HNRNPA1L3: variants seen among roughly 807,000 people sequenced by gnomAD.
HNRNPA1L3 encodes heterogeneous nuclear ribonucleoprotein A1-like 3.
chr16:51,645,974 C>A, the HNRNPA1L3 span: 9 of 1,603,912 alleles, frequency 5.6e-6, no homozygotes, highest in East Asian at 4.5e-5. Context: ...AAACACGAAG[C>A]GCTCCAGGGG....
At chr16:51,646,135 G>T in the HNRNPA1L3 span, 3 of 1,595,280 alleles carry the variant, frequency 1.9e-6, no homozygotes, top group South Asian at 2.2e-5. Context: ...CTGTGAAAAA[G>T]ATATTTGTTG....
chr16:51,645,843 A>G, the HNRNPA1L3 span: 10 of 1,605,016 alleles, frequency 6.2e-6, no homozygotes, highest in Non-Finnish European at 6.8e-6. Flanking sequence ...TCTCCTAAAG[A>G]GCCCGAACAG....
chr16:51,646,224 T>A, the HNRNPA1L3 span: 2 of 1,596,378 alleles, frequency 1.3e-6, no homozygotes, highest in East Asian at 4.5e-5. Context: ...GTGATTGAAA[T>A]CATGACTGAC....
At chr16:51,646,813 C>G in the HNRNPA1L3 span, 3 of 1,538,754 alleles carry the variant, frequency 1.9e-6, no homozygotes, top group South Asian at 3.3e-5. Context: ...AGAGGAGAGC[C>G]AGAGAAGTGA....
chr16:51,646,498 C>T, the HNRNPA1L3 span: 2 of 1,597,798 alleles, frequency 1.3e-6, no homozygotes, highest in East Asian at 2.2e-5. Flanking sequence ...GTCGTGGTGG[C>T]TTTGGTGGCA....
chr16:51,646,655 A>C, the HNRNPA1L3 span: 1 of 1,598,122 alleles, frequency 6.3e-7, no homozygotes, highest in South Asian at 1.1e-5. Context: ...GAAGGGAGGA[A>C]ATTTTGAAGG....
the HNRNPA1L3 span, chr16:51,646,227 T>C: frequency 1.3e-6 from 2 of 1,596,480 alleles, no homozygotes; most frequent in African/African-American, 2.7e-5. Context: ...ATTGAAATCA[T>C]GACTGACAGA....
the HNRNPA1L3 span, chr16:51,646,733 G>A: frequency 1.1e-5 from 17 of 1,598,324 alleles, no homozygotes; most frequent in Non-Finnish European, 1.4e-5. Context: ...AGGTGGCTAT[G>A]GCGGTTCCAG....
chr16:51,646,059 G>A, the HNRNPA1L3 span: 1 of 1,590,686 alleles, frequency 6.3e-7, no homozygotes, highest in Non-Finnish European at 8.5e-7. Context: ...AAGGTGGATG[G>A]AAGAGTTGTG....
the HNRNPA1L3 span, chr16:51,646,767 G>A: frequency 6.3e-7 from 1 of 1,596,030 alleles, no homozygotes. Flanking sequence ...TATGGCAGTG[G>A]CAGAAGATTT....
the HNRNPA1L3 span, chr16:51,647,033 G>A: frequency 7.8e-6 from 4 of 514,946 alleles, no homozygotes; most frequent in Non-Finnish European, 1.4e-5. Flanking sequence ...GGGTTTTAAT[G>A]TAGATTTTTT....
At chr16:51,645,824 A>G in the HNRNPA1L3 span, 4 of 1,607,132 alleles carry the variant, frequency 2.5e-6, no homozygotes, top group Non-Finnish European at 2.6e-6. Flanking sequence ...CGTCATGTCT[A>G]AGTCAGAGTC....
At chr16:51,645,945 G>A in the HNRNPA1L3 span, 7 of 1,605,914 alleles carry the variant, frequency 4.4e-6, no homozygotes, top group African/African-American at 5.3e-5. Flanking sequence ...CTCACGGACT[G>A]TGTGGTAATG....
At chr16:51,646,295 G>T in the HNRNPA1L3 span, 12 of 1,592,720 alleles carry the variant, frequency 7.5e-6, no homozygotes, top group Non-Finnish European at 1.0e-5. Context: ...TGACTCCGTG[G>T]ATAAGATTGT....
chr16:51,646,552 T>C, the HNRNPA1L3 span: 8 of 1,596,250 alleles, frequency 5.0e-6, no homozygotes, highest in East Asian at 6.7e-5. Flanking sequence ...ATGGCTATAA[T>C]GGATTTGGTA....
chr16:51,645,914 C>A, the HNRNPA1L3 span: 1 of 1,606,892 alleles, frequency 6.2e-7, no homozygotes, highest in Non-Finnish European at 8.5e-7. Flanking sequence ...CCTGAGGAGC[C>A]ATTTTGAGCA....
chr16:51,646,761 G>T, the HNRNPA1L3 span: 1 of 1,596,642 alleles, frequency 6.3e-7, no homozygotes, highest in East Asian at 2.2e-5. Context: ...AGTAGCTATG[G>T]CAGTGGCAGA....
the HNRNPA1L3 span, chr16:51,646,503 G>C: frequency 6.3e-7 from 1 of 1,597,978 alleles, no homozygotes; most frequent in Non-Finnish European, 8.5e-7. Flanking sequence ...GGTGGCTTTG[G>C]TGGCAGCCGT....
At chr16:51,645,780 G>C in the HNRNPA1L3 span, 1 of 1,607,986 alleles carries the variant, frequency 6.2e-7, no homozygotes, top group Non-Finnish European at 8.5e-7. Flanking sequence ...GGACGCCGCC[G>C]AAGAAGCATC....
Sources: gnomAD v4.1 joint callset for allele counts on GRCh38, gnomAD v4.1.1 for gene constraint, MANE v1.5 for transcripts, NCBI Gene and HGNC (gene_info 2026-07-23, HGNC 2026-07-21) for gene names.